The following SYDE2 variants were observed in gnomAD, a reference collection of about 807,000 sequenced individuals.
SYDE2 encodes the protein rho GTPase-activating protein SYDE2.
A neutral mutation model predicts 91.5 loss-of-function variants in SYDE2; 76 were observed. That is an observed-to-expected ratio of 0.83 (90% CI 0.69 to 1.01). The LOEUF (loss-of-function observed/expected upper bound fraction) is 1.01, where lower values mean the gene tolerates loss of function less well. SYDE2 is among the 50% of genes least tolerant of loss of function. The pLI, the probability that SYDE2 is intolerant of heterozygous loss-of-function variation, is 0.00. For missense variants in SYDE2, 1,364 were observed against 1,367.7 expected (o/e 1.00, Z 0.04); for synonymous variants, 513 against 506.4 (o/e 1.01, Z -0.18).
At chr1:85,183,273 A>G (rs1399092691) in intron 2 of SYDE2, 73 bp from the exon 3 acceptor site, 1 of 1,375,226 alleles carries the variant, frequency 7.3e-7, no homozygotes, top group African/African-American at 1.5e-5. Flanking sequence ...TTTATAAACC[A>G]TCAACTAAAC....
rs887802215 is a variant in SYDE2, at chr1:85,158,876, T to C, written c.3459A>G (p.Thr1153=). 1 of 780,352 alleles carries C rather than the reference T, an allele frequency of 1.3e-6. No homozygotes were observed. Among genetic ancestry groups the C allele is most frequent in the Non-Finnish European group, 2.4e-6 (1 of 417,888 alleles). The allele number at this position is 780,352 out of a possible 1,614,324, so 48.3% of individuals were successfully genotyped here. ...SKECTFQTYL[T]MQTVESTVDR... ...CCACTGTAGACTCAACTGTCTGCAT[T>C]GTCAAATATGTCTGAAATGTACACT... is the stretch of plus-strand genomic sequence containing the variant. Residue 1153 remains threonine, a synonymous_variant, in exon 7 of 7, where the codon ACA becomes ACG. Coordinates refer to ENST00000341460, the MANE Select transcript of SYDE2 (RefSeq NM_032184.2).
intron 4 of SYDE2, among the ~76,000 whole-genome samples, chr1:85,175,310 G>A (rs1193899191): frequency 1.3e-5 from 2 of 152,088 alleles, no homozygotes; most frequent in Non-Finnish European, 2.9e-5. Flanking sequence ...GACCACCCTG[G>A]GCAACACGGT....
chr1:85,192,744 A>C (rs1272581942), intron 1 of SYDE2, among the ~76,000 whole-genome samples: 2 of 152,184 alleles, frequency 1.3e-5, no homozygotes, highest in Non-Finnish European at 2.9e-5. Context: ...AGAGTTTGAG[A>C]AATATGGTCA....
At chr1:85,170,811 T>C (rs956550679) in intron 4 of SYDE2, among the ~76,000 whole-genome samples, 2 of 152,230 alleles carry the variant, frequency 1.3e-5, no homozygotes, top group South Asian at 2.1e-4. Context: ...CATAGTCTTA[T>C]CTATTCAGTC....
At chr1:85,186,237 G>A (rs1658134645) in intron 2 of SYDE2, among the ~76,000 whole-genome samples, 1 of 152,126 alleles carries the variant, frequency 6.6e-6, no homozygotes, top group East Asian at 1.9e-4. Flanking sequence ...TGTTCATCAA[G>A]GATATTGGTC....
chr1:85,170,514 ATCCAAAATGC>A (rs1657463573), intron 4 of SYDE2, among the ~76,000 whole-genome samples: 3 of 152,224 alleles, frequency 2.0e-5, no homozygotes, highest in Admixed American at 2.0e-4. Context: ...TAGTTTAAAA[ATCCAAAATGC>A]TCTAAAATCC....
In SYDE2 at chr1:85,182,708, C is replaced by T. The variant is rs1657980414; in HGVS notation, c.1934G>A (p.Gly645Glu). The T allele has an allele frequency of 1.2e-6, 2 of 1,613,698 alleles. No homozygotes were observed. Among genetic ancestry groups the T allele is most frequent in the Non-Finnish European group, 1.7e-6 (2 of 1,179,822 alleles). Residue 645 changes from glycine to glutamate, a missense_variant, in exon 3 of 7, where the codon GGA becomes GAA. Physicochemically the swap from Gly to Glu is moderately conservative, Grantham distance 98 (BLOSUM62 -2). Coordinates refer to ENST00000341460, the MANE Select transcript of SYDE2 (RefSeq NM_032184.2). Reference sequence around the variant, plus strand: ...ACAACTATTTGAAATTATTTCTTTTCCTTTTCCAAATTTGTTTTCAGATCC... The same window carrying T: ...ACAACTATTTGAAATTATTTCTTTTTCTTTTCCAAATTTGTTTTCAGATCC... ...KHGSENKFGKGKEIISNSCSK... is the reference protein window; with the variant it reads ...KHGSENKFGKEKEIISNSCSK...
intron 2 of SYDE2, among the ~76,000 whole-genome samples, chr1:85,185,543 G>A (rs1363832300): frequency 1.3e-5 from 2 of 152,044 alleles, no homozygotes; most frequent in Non-Finnish European, 2.9e-5. Context: ...TGGATTCCTA[G>A]GTATTTTATT....
chr1:85,158,838 T>C lies in SYDE2; in HGVS notation c.3497A>G (p.Asn1166Ser), dbSNP rs1166040043. 3.9e-6 allele frequency: 3 copies of C among 776,820 alleles called. No homozygotes were observed. The highest frequency in any genetic ancestry group is 4.9e-5 in the East Asian group (2 of 41,206). The allele number at this position is 776,820 out of a possible 1,614,324, so 48.1% of individuals were successfully genotyped here. A position where few individuals can be genotyped will look rare whatever the true frequency, so the allele number is the denominator to read the frequency against. ...TVESTVDRKN[N>S]LKDLQESIDT... Reference sequence around the variant, plus strand: ...AATACTTTCTTGTAGATCTTTGAGATTGTTTTTTCGATCCACTGTAGACTC... The same window carrying C: ...AATACTTTCTTGTAGATCTTTGAGACTGTTTTTTCGATCCACTGTAGACTC... Residue 1166 changes from asparagine (N) to serine (S), a missense_variant, in exon 7 of 7, where the codon AAT (asparagine) becomes AGT (serine). Coordinates refer to ENST00000341460, the MANE Select transcript of SYDE2 (RefSeq NM_032184.2).
At chr1:85,163,362 T>C (rs955333772) in intron 6 of SYDE2, among the ~76,000 whole-genome samples, 4 of 149,936 alleles carry the variant, frequency 2.7e-5, no homozygotes, top group African/African-American at 9.8e-5. Context: ...TGCCTCGGTC[T>C]CCCAAAGTGC....
At chr1:85,177,228 CTCTT>C (rs1272078446) in intron 4 of SYDE2, among the ~76,000 whole-genome samples, 2 of 152,142 alleles carry the variant, frequency 1.3e-5, no homozygotes, top group Non-Finnish European at 2.9e-5. Flanking sequence ...GCCAATGACT[CTCTT>C]TCCACTCTTA....
chr1:85,190,608 C>T lies in SYDE2; in HGVS notation c.890G>A (p.Arg297Lys). Residue 297 changes from arginine to lysine, a missense_variant, in exon 2 of 7, where the codon AGG becomes AAG. Coordinates refer to ENST00000341460, the MANE Select transcript of SYDE2 (RefSeq NM_032184.2). Reference protein sequence around the residue: ...KRNWLYQSTLRPLNLEEENKK... With the variant: ...KRNWLYQSTLKPLNLEEENKK... The stretch of plus-strand genomic sequence containing the variant: ...ATTTTCTTCTTCCAGATTAAGAGGC[C>T]TCAGAGTACTCTGATATAGCCAATT... 1 of 1,613,894 alleles carries T rather than the reference C, an allele frequency of 6.2e-7. No individual in the cohort carries two copies. Among genetic ancestry groups the T allele is most frequent in the Middle Eastern group, 1.7e-4 (1 of 6,060 alleles).
downstream of SYDE2, among the ~76,000 whole-genome samples, chr1:85,155,601 G>A (rs149250440): frequency 4.8e-3 from 725 of 152,240 alleles, 1 homozygote; most frequent in Non-Finnish European, 7.4e-3. Context: ...GGAAGTTGAC[G>A]ACTGGCTATA....
Position 85,190,137 on chromosome 1 carries a change from T to C in SYDE2, c.1361A>G (p.Gln454Arg), listed in dbSNP as rs372217102. ...HPAHSTEFVQ[Q>R]YKQKLGHKTQ... Reference sequence around the variant, plus strand: ...CTTGTGTCCTAGCTTTTGCTTGTACTGCTGCACAAATTCTGTGGAATGGGC... The same window carrying C: ...CTTGTGTCCTAGCTTTTGCTTGTACCGCTGCACAAATTCTGTGGAATGGGC... Residue 454 changes from glutamine (Q) to arginine (R), a missense_variant, in exon 2 of 7, where the codon CAG (glutamine) becomes CGG (arginine). Coordinates refer to ENST00000341460, the MANE Select transcript of SYDE2 (RefSeq NM_032184.2). 394 of 1,614,034 alleles carry C rather than the reference T, an allele frequency of 2.4e-4. No homozygotes were observed. The highest frequency in any genetic ancestry group is 2.9e-4 in the Non-Finnish European group (341 of 1,179,894).
rs371430536 is a variant in SYDE2, at chr1:85,190,653, A to G, written c.845T>C (p.Ile282Thr). ...EFRGHKPLNS[I>T]TVSKKRNWLY... ...CCAATTGCGTTTCTTTGAAACAGTGATGCTGTTAAGTGGCTTATGACCTCT... is the reference window on the plus strand; with the variant it reads ...CCAATTGCGTTTCTTTGAAACAGTGGTGCTGTTAAGTGGCTTATGACCTCT... Residue 282 changes from isoleucine (I) to threonine (T), a missense_variant, in exon 2 of 7, where the codon ATC becomes ACC. Transcript: ENST00000341460. The G allele has an allele frequency of 6.2e-6, 10 of 1,613,792 alleles. 1 individual carries two copies. The highest frequency in any genetic ancestry group is 8.5e-6 in the Non-Finnish European group (10 of 1,179,868).
downstream of SYDE2, among the ~76,000 whole-genome samples, chr1:85,156,265 G>C (rs1043577130): frequency 2.6e-5 from 4 of 151,906 alleles, no homozygotes; most frequent in Non-Finnish European, 5.9e-5. Context: ...AAACATTAGG[G>C]GCTGGGCATA....
rs1448882447 is a variant in SYDE2, at chr1:85,175,920, A to T, written c.2671+2226T>A. 3.3e-5 allele frequency among the ~76,000 whole-genome samples: 5 copies of T among 152,340 alleles called. No homozygotes were observed. In the East Asian group the frequency reaches 9.6e-4, roughly 29 times the overall value. ...TTTACCCAAATGGAATAGTACAAAG[A>T]ATTGAGCCAAGAAATATCCAATTTA... is the stretch of plus-strand genomic sequence containing the variant. On this transcript the variant is annotated intron_variant, in intron 4 of 6. Transcript: ENST00000341460.
chr1:85,178,901 C>T (rs1396905930), intron 3 of SYDE2, among the ~76,000 whole-genome samples: 2 of 151,370 alleles, frequency 1.3e-5, no homozygotes, highest in African/African-American at 2.4e-5. Context: ...TAAAATAAAA[C>T]CTCTATTTCA....
chr1:85,190,855 T>A, intron 1 of SYDE2, 103 bp from the exon 2 acceptor site: 1 of 855,282 alleles, frequency 1.2e-6, no homozygotes. Flanking sequence ...AAACAAAAAG[T>A]AACAACAATC....
Sources: allele counts gnomAD v4.1 joint callset (sites outside exome capture counted in the v4.1 genomes callset), GRCh38; gene constraint gnomAD v4.1.1; transcripts MANE v1.5; gene names NCBI Gene and HGNC (gene_info 2026-07-23, HGNC 2026-07-21).